Variants in SEMA4D observed in about 807,000 individuals in gnomAD.
The protein encoded by SEMA4D is semaphorin 4D.
Under a neutral mutation model 74.8 loss-of-function variants are expected in SEMA4D, and 22 were observed. That is an observed-to-expected ratio of 0.29 (90% CI 0.21 to 0.42). The LOEUF is 0.42. Ranked by LOEUF, SEMA4D falls within the 10% of genes least tolerant of loss-of-function variation. The pLI, the probability that SEMA4D is intolerant of heterozygous loss-of-function variation, is 1.00. For synonymous variants in SEMA4D, 445 were observed against 463.7 expected (o/e 0.96, Z 0.52); for missense variants, 937 against 1,118.4 (o/e 0.84, Z 2.31).
chr9:89,438,766 C>T (rs755521336), intron 2 of SEMA4D, among the ~76,000 whole-genome samples: 1 of 148,840 alleles, frequency 6.7e-6, no homozygotes, highest in Middle Eastern at 3.4e-3. Flanking sequence ...CCCAGGTTCA[C>T]GCCATTCTCC....
At chr9:89,408,612 A>G (rs1055111705) in intron 2 of SEMA4D, among the ~76,000 whole-genome samples, 1 of 152,214 alleles carries the variant, frequency 6.6e-6, no homozygotes, top group Non-Finnish European at 1.5e-5. Flanking sequence ...TTAAAGCAGA[A>G]GAGGACTGCA....
At chr9:89,423,273 TC>T (rs1276977440) in intron 2 of SEMA4D, among the ~76,000 whole-genome samples, 2 of 151,568 alleles carry the variant, frequency 1.3e-5, no homozygotes, top group Non-Finnish European at 2.9e-5. Flanking sequence ...CTCACTGCAA[TC>T]TCCACCTTCC....
At chr9:89,433,699 G>A (rs1849771390) in intron 2 of SEMA4D, among the ~76,000 whole-genome samples, 1 of 152,212 alleles carries the variant, frequency 6.6e-6, no homozygotes, top group South Asian at 2.1e-4. Context: ...TACCACCCAG[G>A]GCAGAAGTCC....
At chr9:89,396,648 G>A (rs1366381525) in intron 6 of SEMA4D, 89 bp downstream of exon 6, 2 of 1,077,352 alleles carry the variant, frequency 1.9e-6, no homozygotes, top group African/African-American at 1.6e-5. Flanking sequence ...TTTTAGGGTG[G>A]AGACAGCTTT....
Position 89,492,307 on chromosome 9 carries a change from T to A in SEMA4D, c.-310+5612A>T, listed in dbSNP as rs1825690575. On this transcript the variant is annotated intron_variant, in intron 1 of 15. Coordinates refer to ENST00000422704, the MANE Select transcript of SEMA4D (RefSeq NM_001371194.2). The surrounding 1 kb of genome is among the most constrained non-coding windows in gnomAD (Gnocchi z 4.3). ...GGATGCCCTCAGAACCCTCTGGTTA[T>A]CCCCTACCTCGCTGGCCGCACCTTC... 6.6e-6 allele frequency among the ~76,000 whole-genome samples: 1 copy of A among 152,124 alleles called. No individual in the cohort carries two copies. The highest frequency in any genetic ancestry group is 1.5e-5 in the Non-Finnish European group (1 of 68,022).
Position 89,458,009 on chromosome 9 carries a change from G to C in SEMA4D, c.-309-2056C>G, listed in dbSNP as rs529475391. On this transcript the variant is annotated intron_variant, in intron 1 of 15. Transcript: ENST00000422704. Reference sequence around the variant, plus strand: ...GATCGTGCCACTGCACTCCAGCCTGGTCGATAGAGCGAGACTGGGTCTCAA... The same window carrying C: ...GATCGTGCCACTGCACTCCAGCCTGCTCGATAGAGCGAGACTGGGTCTCAA... 1.4e-4 allele frequency among the ~76,000 whole-genome samples: 21 copies of C among 152,328 alleles called. No homozygotes were observed. The South Asian group carries it at 3.9e-3, about 29-fold the overall frequency.
At chr9:89,482,998 A>G (rs1824844490) in intron 1 of SEMA4D, among the ~76,000 whole-genome samples, 1 of 152,202 alleles carries the variant, frequency 6.6e-6, no homozygotes, top group Non-Finnish European at 1.5e-5. Flanking sequence ...TGGAGTCTGT[A>G]TCTCCCCGAA....
intron 4 of SEMA4D, among the ~76,000 whole-genome samples, chr9:89,402,020 C>T (rs1469033041): frequency 6.6e-6 from 1 of 151,810 alleles, no homozygotes; most frequent in African/African-American, 2.4e-5. Context: ...TGACACCCAG[C>T]TGGGGATGTG....
chr9:89,495,676 G>A (rs915680434), intron 1 of SEMA4D, among the ~76,000 whole-genome samples: 6 of 152,116 alleles, frequency 3.9e-5, no homozygotes, highest in Admixed American at 2.0e-4. Flanking sequence ...ACAATCAGCC[G>A]ACGGCACGTT....
chr9:89,443,664 C>T (rs1040631901), intron 2 of SEMA4D, among the ~76,000 whole-genome samples: 4 of 152,220 alleles, frequency 2.6e-5, no homozygotes, highest in Non-Finnish European at 5.9e-5. Context: ...GTGGCCAGGA[C>T]CTGGCTGCCT....
Position 89,378,463 on chromosome 9 carries a change from C to T in SEMA4D, c.*241G>A, listed in dbSNP as rs1045224584. 2.0e-5 allele frequency: 10 copies of T among 499,234 alleles called. No individual in the cohort carries two copies. The highest frequency in any genetic ancestry group is 9.6e-5 in the African/African-American group (5 of 52,000). 30.9% of individuals were successfully genotyped at this position (499,234 alleles called of 1,614,324 possible). ...GCCCGTGGGCCTTCTTCAAGTACTC[C>T]GACTGACTTCGGAACACAAGACTGG... is the stretch of plus-strand genomic sequence containing the variant. On this transcript the variant is annotated 3_prime_UTR_variant, in exon 16 of 16. Coordinates refer to ENST00000422704, the MANE Select transcript of SEMA4D (RefSeq NM_001371194.2).
At chr9:89,376,912 G>A (rs779234591), downstream of SEMA4D, 19 of 1,550,788 alleles carry the variant, frequency 1.2e-5, no homozygotes, top group Non-Finnish European at 1.6e-5. Flanking sequence ...GCGGCAGCAA[G>A]GAGACCCTCG....
At chr9:89,437,745 C>G (rs1277251725) in intron 2 of SEMA4D, among the ~76,000 whole-genome samples, 2 of 152,296 alleles carry the variant, frequency 1.3e-5, no homozygotes, top group Non-Finnish European at 2.9e-5. Flanking sequence ...GCACAGGTGA[C>G]AGCCACACAA....
chr9:89,487,475 A>C (rs1402507844), intron 1 of SEMA4D, among the ~76,000 whole-genome samples: 1 of 152,198 alleles, frequency 6.6e-6, no homozygotes, highest in Non-Finnish European at 1.5e-5. Context: ...TATTGGGAAC[A>C]GGCAAGAATG....
downstream of SEMA4D, chr9:89,376,652 G>A (rs1443494035): frequency 3.4e-6 from 3 of 890,494 alleles, no homozygotes; most frequent in Admixed American, 3.0e-5. Flanking sequence ...ACTGTCTACA[G>A]TTTCCCTCGG....
rs961746078 is a variant in SEMA4D at position 89,378,602 on chromosome 9, C to T, written c.*102G>A. The stretch of plus-strand genomic sequence containing the variant: ...TGTCTGCACGATGCGGGCTAACCTA[C>T]GCAGCACTGCACGAGACTCGGATAC... On this transcript the variant is annotated 3_prime_UTR_variant, in exon 16 of 16. Transcript: ENST00000422704. 16 of 828,740 alleles carry T rather than the reference C, an allele frequency of 1.9e-5. No individual in the cohort carries two copies. The highest frequency in any genetic ancestry group is 1.0e-4 in the African/African-American group (6 of 59,592). The allele number at this position is 828,740 out of a possible 1,614,324, so 51.3% of individuals were successfully genotyped here. A position where few individuals can be genotyped will look rare whatever the true frequency, so the allele number is the denominator to read the frequency against.
chr9:89,376,221 C>T (rs1835766866), downstream of SEMA4D, among the ~76,000 whole-genome samples: 1 of 152,228 alleles, frequency 6.6e-6, no homozygotes. Flanking sequence ...CGTATATCAA[C>T]CTCCAAATTG....
chr9:89,394,834 G>A lies in SEMA4D; in HGVS notation c.415-1179C>T, dbSNP rs149024217. Among the ~76,000 whole-genome samples the A allele has an allele frequency of 1.9e-4, 29 of 152,340 alleles. No homozygotes were observed. In the South Asian group the frequency reaches 5.2e-3, roughly 27 times the overall value. ...TCGGGGCTGTTGGGGAAATCTGAACGGGGACTGGAGACTGGATGATGCTGG... is the reference window on the plus strand; with the variant it reads ...TCGGGGCTGTTGGGGAAATCTGAACAGGGACTGGAGACTGGATGATGCTGG... On this transcript the variant is annotated intron_variant, in intron 6 of 15. Coordinates refer to ENST00000422704, the MANE Select transcript of SEMA4D (RefSeq NM_001371194.2).
chr9:89,436,972 C>T (rs948981048), intron 2 of SEMA4D, among the ~76,000 whole-genome samples: 15 of 152,350 alleles, frequency 9.8e-5, no homozygotes, highest in Admixed American at 2.0e-4. Flanking sequence ...GTCACTCTGG[C>T]CCTCTGAGCT....
Sources: gnomAD v4.1 joint callset for allele counts (sites outside exome capture counted in the v4.1 genomes callset) on GRCh38, gnomAD v4.1.1 for gene constraint, Gnocchi (gnomAD v3.1) non-coding constraint, MANE v1.5 for transcripts, NCBI Gene and HGNC (gene_info 2026-07-23, HGNC 2026-07-21) for gene names.